COP1: variants seen among roughly 807,000 people sequenced by gnomAD.
The protein encoded by COP1 is COP1 E3 ubiquitin ligase.
COP1 carries 24 observed loss-of-function variants against 101.3 expected under a neutral mutation model. The ratio of observed to expected loss-of-function variants is 0.24; its 90% CI spans 0.17 to 0.33. The LOEUF (loss-of-function observed/expected upper bound fraction) is 0.33. Among genes scored for constraint, COP1 ranks in the 10% least tolerant of loss-of-function variants. The probability of loss-of-function intolerance (pLI) is 1.00; values close to 1 mark genes in which losing one functional copy is unlikely to be tolerated. For synonymous variants in COP1, 347 were observed against 341.9 expected (o/e 1.01, Z -0.17); for missense variants, 663 against 906.2 (o/e 0.73, Z 3.45).
intron 9 of COP1, among the ~76,000 whole-genome samples, chr1:176,113,273 T>C (rs1377015229): frequency 6.6e-6 from 1 of 152,254 alleles, no homozygotes; most frequent in African/African-American, 2.4e-5. Flanking sequence ...CATTGTGGTT[T>C]TGACTTCCAC....
At chr1:176,027,078 T>C (rs1474513124) in intron 15 of COP1, among the ~76,000 whole-genome samples, 2 of 152,150 alleles carry the variant, frequency 1.3e-5, no homozygotes, top group African/African-American at 4.8e-5. Flanking sequence ...ATGATAATAA[T>C]AGCAAACATT....
At chr1:176,122,139 CAA>C (rs34899450) in intron 8 of COP1, among the ~76,000 whole-genome samples, 20 of 114,972 alleles carry the variant, frequency 1.7e-4, no homozygotes, top group East Asian at 2.5e-4. Flanking sequence ...GACTGCATCT[CAA>C]AAAAAAAAAA....
At chr1:176,097,558 TTTTTTTTATAGAGC>T (rs1682627299) in intron 9 of COP1, among the ~76,000 whole-genome samples, 1 of 146,634 alleles carries the variant, frequency 6.8e-6, no homozygotes, top group African/African-American at 2.6e-5. Context: ...AAAAAAGCTC[TTTTTTTTATAGAGC>T]TTTTTTTATA....
intron 10 of COP1, among the ~76,000 whole-genome samples, chr1:176,081,764 G>T (rs1679204990): frequency 6.6e-6 from 1 of 151,934 alleles, no homozygotes; most frequent in African/African-American, 2.4e-5. Context: ...GAAATATTTG[G>T]TCAAATAATA....
chr1:176,116,795 A>C (rs1188411833), intron 8 of COP1, 114 bp from the exon 9 acceptor site: 6 of 728,148 alleles, frequency 8.2e-6, no homozygotes, highest in Non-Finnish European at 9.1e-6. Flanking sequence ...TTCTAAGCCA[A>C]GAAAATATTT....
chr1:176,031,686 C>T (rs890783453), intron 14 of COP1, among the ~76,000 whole-genome samples: 1 of 151,976 alleles, frequency 6.6e-6, no homozygotes, highest in Admixed American at 6.6e-5. Context: ...AATAAAGAAA[C>T]ATACTCTAGT....
At chr1:176,042,603 C>T (rs998364227) in intron 14 of COP1, among the ~76,000 whole-genome samples, 2 of 147,470 alleles carry the variant, frequency 1.4e-5, no homozygotes, top group Non-Finnish European at 3.0e-5. Flanking sequence ...TGGTGGTACA[C>T]ACCTATAATC....
At chr1:176,183,036 A>G (rs1289758886) in intron 2 of COP1, among the ~76,000 whole-genome samples, 1 of 152,252 alleles carries the variant, frequency 6.6e-6, no homozygotes. Flanking sequence ...TTTAAAAGCA[A>G]TAATATACAT....
chr1:176,150,366 A>C (rs1692228598), intron 5 of COP1, among the ~76,000 whole-genome samples: 1 of 152,236 alleles, frequency 6.6e-6, no homozygotes, highest in East Asian at 1.9e-4. Flanking sequence ...CAACTGAATA[A>C]ATTTCCAAAA....
At chr1:176,167,681 A>C (rs923858073) in intron 3 of COP1, among the ~76,000 whole-genome samples, 1 of 152,144 alleles carries the variant, frequency 6.6e-6, no homozygotes, top group African/African-American at 2.4e-5. Context: ...AATGCTAAAG[A>C]CTCCATTCAA....
chr1:176,086,751 A>G (rs561249709), intron 9 of COP1, among the ~76,000 whole-genome samples: 7 of 152,348 alleles, frequency 4.6e-5, no homozygotes, highest in African/African-American at 1.4e-4. Flanking sequence ...CAGAACTGGC[A>G]AAACTACTTT....
intron 14 of COP1, 38 bp from the exon 15 acceptor site, chr1:176,027,726 A>C: frequency 8.4e-7 from 1 of 1,194,904 alleles, no homozygotes; most frequent in Non-Finnish European, 1.2e-6. Context: ...AAGAGAAACA[A>C]GTAATACATT....
intron 18 of COP1, among the ~76,000 whole-genome samples, chr1:175,959,403 C>T (rs539616835): frequency 3.9e-4 from 59 of 152,054 alleles, no homozygotes; most frequent in East Asian, 2.7e-3. Context: ...GTCAACGATG[C>T]CAGATACCAT....
chr1:176,089,389 T>C (rs1470899466), intron 9 of COP1, among the ~76,000 whole-genome samples: 1 of 152,212 alleles, frequency 6.6e-6, no homozygotes, highest in Non-Finnish European at 1.5e-5. Flanking sequence ...AAGAGTTTGA[T>C]ATATTCATTA....
At chr1:175,973,855 TG>T (rs1653862994) in intron 18 of COP1, among the ~76,000 whole-genome samples, 1 of 152,104 alleles carries the variant, frequency 6.6e-6, no homozygotes, top group African/African-American at 2.4e-5. Context: ...AAAGGGTATT[TG>T]GGAACAGTGA....
intron 14 of COP1, among the ~76,000 whole-genome samples, chr1:176,030,878 T>C (rs1453247649): frequency 6.6e-6 from 1 of 152,130 alleles, no homozygotes; most frequent in Admixed American, 6.6e-5. Context: ...AAAGTTAAAA[T>C]TACGTCAGAC....
At chr1:176,062,964 G>C (rs2149306507) in intron 11 of COP1, among the ~76,000 whole-genome samples, 1 of 151,002 alleles carries the variant, frequency 6.6e-6, no homozygotes, top group Middle Eastern at 3.4e-3. Flanking sequence ...GTGACAGAAA[G>C]CAGATAAATA....
At chr1:175,953,149 T>A (rs1229792833) in intron 18 of COP1, among the ~76,000 whole-genome samples, 2 of 152,158 alleles carry the variant, frequency 1.3e-5, no homozygotes, top group East Asian at 3.8e-4. Flanking sequence ...GATTCTTCCA[T>A]TATAAAGTGG....
intron 15 of COP1, among the ~76,000 whole-genome samples, chr1:176,005,978 A>G (rs1663087074): frequency 6.6e-6 from 1 of 152,002 alleles, no homozygotes; most frequent in South Asian, 2.1e-4. Context: ...AATGTGTGGG[A>G]GTCTAAGTCT....
Sources: allele counts gnomAD v4.1 joint callset (sites outside exome capture counted in the v4.1 genomes callset), GRCh38; gene constraint gnomAD v4.1.1; transcripts MANE v1.5; gene names NCBI Gene and HGNC (gene_info 2026-07-23, HGNC 2026-07-21).